TSC2: variants seen among roughly 807,000 people sequenced by gnomAD.
TSC2 encodes the protein tuberin.
Under a neutral mutation model 202.2 loss-of-function variants are expected in TSC2, and 29 were observed. The ratio of observed to expected loss-of-function variants is 0.14; its 90% confidence interval spans 0.11 to 0.20. The LOEUF (loss-of-function observed/expected upper bound fraction) is 0.20, where lower values mean the gene tolerates loss of function less well. Ranked by LOEUF, TSC2 falls within the 10% of genes least tolerant of loss-of-function variation. The probability of loss-of-function intolerance (pLI) is 1.00; values close to 1 mark genes in which losing one functional copy is unlikely to be tolerated. For synonymous variants in TSC2, 1,349 were observed against 1,044.0 expected (o/e 1.29, Z -5.63); for missense variants, 2,429 against 2,420.0 (o/e 1.00, Z -0.08).
chr16:2,054,219 C>G (rs2085487118), intron 4 of TSC2, 77 bp from the exon 5 acceptor site: 1 of 1,610,938 alleles, frequency 6.2e-7, no homozygotes, highest in African/African-American at 1.3e-5. Flanking sequence ...CCGGGTGCCC[C>G]TGCACTTCAG....
chr16:2,057,563 A>C (rs920605285), intron 9 of TSC2, among the ~76,000 whole-genome samples: 18 of 151,712 alleles, frequency 1.2e-4, no homozygotes, highest in Middle Eastern at 3.2e-3. Context: ...AGCTCTGCCC[A>C]CACCCTGGCC....
intron 3 of TSC2, among the ~76,000 whole-genome samples, chr16:2,052,189 G>C (rs2085211012): frequency 7.1e-6 from 1 of 140,390 alleles, no homozygotes; most frequent in South Asian, 2.1e-4. Flanking sequence ...TGTGTCCACG[G>C]ATCTTTGCAG....
At chr16:2,065,683 C>T (rs200355157) in intron 16 of TSC2, 48 bp downstream of exon 16, 157 of 1,494,194 alleles carry the variant, frequency 1.1e-4, no homozygotes, top group Non-Finnish European at 1.3e-4. Context: ...GCATGGCTAG[C>T]GTCCACCAGC....
chr16:2,080,332 C>G lies in TSC2; in HGVS notation c.3565C>G (p.Leu1189Val), dbSNP rs796053476. The change falls in exon 30 of 42, where the codon CTG becomes GTG. Residue 1189 changes from leucine to valine, a missense_variant. By Grantham distance (32) the Leu-to-Val change is conservative (BLOSUM62 1). Coordinates refer to ENST00000219476, the MANE Select transcript of TSC2 (RefSeq NM_000548.5). The stretch of plus-strand genomic sequence containing the variant: ...GACGAACCTGGCGGCCTATGTGCCC[C>G]TGCTGACCCAGGGCTGGGCGGAGAT... ...EKTNLAAYVP[L>V]LTQGWAEILV... is the part of the protein sequence containing the mutation. 6.2e-7 allele frequency: 1 copy of G among 1,612,694 alleles called. No individual in the cohort carries two copies.
At chr16:2,058,469 G>A (rs187276919) in intron 9 of TSC2, among the ~76,000 whole-genome samples, 43 of 152,340 alleles carry the variant, frequency 2.8e-4, no homozygotes, top group African/African-American at 9.9e-4. Context: ...CCCCCAGACT[G>A]CGAGGCTGTG....
Position 2,085,246 on chromosome 16 carries a change from G to C in TSC2, c.4586G>C (p.Arg1529Pro), listed in dbSNP as rs769834772. Residue 1529 changes from arginine to proline, a missense_variant, in exon 36 of 42, where the codon CGG (arginine) becomes CCG (proline). Arg to Pro is a moderately radical substitution (Grantham distance 103). Coordinates refer to ENST00000219476, the MANE Select transcript of TSC2 (RefSeq NM_000548.5). ...GTGCCACAGTCACAGTCCTTTGAGC[G>C]GTCGGTGCAGCTCCTCGACCAGATC... The part of the protein sequence containing the change: ...LLPNESQSFE[R>P]SVQLLDQIPS... The C allele has an allele frequency of 6.2e-7, 1 of 1,612,742 alleles. No individual in the cohort carries two copies. The highest frequency in any genetic ancestry group is 8.5e-7 in the Non-Finnish European group (1 of 1,179,944).
Position 2,083,796 on chromosome 16 carries a change from C to G in TSC2, c.3985C>G (p.Arg1329Gly), listed in dbSNP as rs747695245. Reference sequence around the variant, plus strand: ...TGAGGCAGCGCTAGGCATGGACAGGCGCACGGATGCCTACAGCAGGGTGAG... The same window carrying G: ...TGAGGCAGCGCTAGGCATGGACAGGGGCACGGATGCCTACAGCAGGGTGAG... ...DVEAALGMDR[R>G]TDAYSRSSSV... The change falls in exon 33 of 42, where the codon CGC becomes GGC. Residue 1329 changes from arginine to glycine, a missense_variant. Transcript: ENST00000219476. 3.7e-6 allele frequency: 6 copies of G among 1,611,402 alleles called. No homozygotes were observed. The highest frequency in any genetic ancestry group is 5.1e-6 in the Non-Finnish European group (6 of 1,179,614).
At position 2,062,620 on chromosome 16, in the gene TSC2, C is replaced by A; in HGVS notation, c.1361+20C>A. 6.3e-7 allele frequency: 1 copy of A among 1,589,900 alleles called. No individual in the cohort carries two copies. Among genetic ancestry groups the A allele is most frequent in the Non-Finnish European group, 8.6e-7 (1 of 1,167,046 alleles). On this transcript the variant is annotated intron_variant, in intron 13 of 41. Coordinates refer to ENST00000219476, the MANE Select transcript of TSC2 (RefSeq NM_000548.5). ...CTTCAGGTAGGGGGTCCTCTGTAGC[C>A]TTGCCTGGCACCTGGAGCCTGGCCC... is the stretch of plus-strand genomic sequence containing the variant.
chr16:2,078,913 T>C (rs762854935), intron 26 of TSC2, 119 bp from the exon 27 acceptor site: 194 of 1,372,924 alleles, frequency 1.4e-4, no homozygotes, highest in Admixed American at 1.9e-4. Flanking sequence ...CCACGCCCTG[T>C]TGGGGTCTTT....
At chr16:2,061,090 G>A (rs2086581859) in intron 11 of TSC2, 1 of 485,430 alleles carries the variant, frequency 2.1e-6, no homozygotes, top group Non-Finnish European at 3.8e-6. Flanking sequence ...GTGACCTGCA[G>A]GCCGCCTTCG....
intron 25 of TSC2, 69 bp downstream of exon 25, chr16:2,076,654 G>A: frequency 9.8e-6 from 15 of 1,528,450 alleles, no homozygotes; most frequent in Non-Finnish European, 1.4e-5. Context: ...TGGCCTGCCT[G>A]ACGGTGCCTC....
In TSC2 at chr16:2,078,920, C is replaced by A; in HGVS notation, c.2967-112C>A. On this transcript the variant is annotated intron_variant, in intron 26 of 41. Coordinates refer to ENST00000219476, the MANE Select transcript of TSC2 (RefSeq NM_000548.5). The stretch of plus-strand genomic sequence containing the variant: ...TGGGCCGCCCACGCCCTGTTGGGGT[C>A]TTTCCGAGCGAGGTCCTCAGCCGTG... 2.1e-6 allele frequency: 3 copies of A among 1,457,920 alleles called. No individual in the cohort carries two copies. In the Admixed American group the frequency reaches 5.0e-5, roughly 24 times the overall value. 90.3% of individuals were successfully genotyped at this position (1,457,920 alleles called of 1,614,324 possible). A position where few individuals can be genotyped will look rare whatever the true frequency, so the allele number is the denominator to read the frequency against.
At chr16:2,052,533 C>T (rs2085262141) in intron 3 of TSC2, among the ~76,000 whole-genome samples, 2 of 152,172 alleles carry the variant, frequency 1.3e-5, no homozygotes, top group African/African-American at 4.8e-5. Context: ...TAGTCTGAAA[C>T]TCCTGGGCTG....
rs1376177111 is a variant in TSC2 at position 2,088,733 on chromosome 16, A to T, written c.*123A>T. 7 of 1,345,574 alleles carry T rather than the reference A, an allele frequency of 5.2e-6. No individual in the cohort carries two copies. Among genetic ancestry groups the T allele is most frequent in the Non-Finnish European group, 7.1e-6 (7 of 990,418 alleles). The allele number at this position is 1,345,574 out of a possible 1,614,324, so 83.4% of individuals were successfully genotyped here. A position where few individuals can be genotyped will look rare whatever the true frequency, so the allele number is the denominator to read the frequency against. ...TTGCAGTCAGACAGCTCTTTTATTG[A>T]CTTTGTCTGCTTGGTGCGGGGGTTG... On this transcript the variant is annotated 3_prime_UTR_variant, in exon 42 of 42. Coordinates refer to ENST00000219476, the MANE Select transcript of TSC2 (RefSeq NM_000548.5).
intron 22 of TSC2, chr16:2,075,231 AAAAG>A (rs1016620373): frequency 8.8e-5 from 13 of 148,398 alleles, no homozygotes; most frequent in East Asian, 2.1e-4. Flanking sequence ...TCAAAAAAAA[AAAAG>A]AGAGAAGTGA....
Position 2,077,362 on chromosome 16 carries a change from A to C in TSC2, c.2838-236A>C, listed in dbSNP as rs1228230653. 3 of 615,744 alleles carry C rather than the reference A, an allele frequency of 4.9e-6. No homozygotes were observed. The East Asian group carries it at 8.3e-5, about 17-fold the overall frequency. 38.1% of individuals were successfully genotyped at this position (615,744 alleles called of 1,614,324 possible). ...GTTGTTTGTTTTGGTGTCATGCGTG[A>C]AGCCTTACTTGTTCTCAGTCATGTT... is the stretch of plus-strand genomic sequence containing the variant. On this transcript the variant is annotated intron_variant, in intron 25 of 41. Transcript: ENST00000219476.
intron 18 of TSC2, 42 bp downstream of exon 18, chr16:2,071,658 C>CAA (rs1567463042): frequency 6.2e-7 from 1 of 1,610,936 alleles, no homozygotes; most frequent in Non-Finnish European, 8.5e-7. Context: ...CTCAGGGCGT[C>CAA]AGAGGCGCTG....
Position 2,077,713 on chromosome 16 carries a change from C to T in TSC2, c.2953C>T (p.His985Tyr), listed in dbSNP as rs1165133936. 4 of 1,612,786 alleles carry T rather than the reference C, an allele frequency of 2.5e-6. No individual in the cohort carries two copies. Among genetic ancestry groups the T allele is most frequent in the South Asian group, 2.2e-5 (2 of 91,086 alleles). The change falls in exon 26 of 42, where the codon CAT becomes TAT. Residue 985 changes from histidine (H) to tyrosine (Y), a missense_variant. Coordinates refer to ENST00000219476, the MANE Select transcript of TSC2 (RefSeq NM_000548.5). Reference sequence around the variant, plus strand: ...GTGCCGCAGCATCAGTGTGTCTGAACATGTGGTCCGCAGGTAGCGGGACTG... The same window carrying T: ...GTGCCGCAGCATCAGTGTGTCTGAATATGTGGTCCGCAGGTAGCGGGACTG... ...FRCRSISVSE[H>Y]VVRSRIQTSL...
chr16:2,063,297 G>T, intron 14 of TSC2: 1 of 602,636 alleles, frequency 1.7e-6, no homozygotes, highest in Admixed American at 2.8e-5. Flanking sequence ...CTGCCCTCAG[G>T]GAGCTCCGGC....
Sources: gnomAD v4.1 joint callset for allele counts (sites outside exome capture counted in the v4.1 genomes callset) on GRCh38, gnomAD v4.1.1 for gene constraint, MANE v1.5 for transcripts, NCBI Gene and HGNC (gene_info 2026-07-23, HGNC 2026-07-21) for gene names.